Variants in OSBPL10 observed in about 807,000 individuals in gnomAD.
OSBPL10 encodes the protein oxysterol binding protein like 10.
In OSBPL10, 49 loss-of-function variants were observed where a neutral mutation model predicts 81.7. The ratio of observed to expected loss-of-function variants is 0.60; its 90% CI spans 0.48 to 0.76. The LOEUF (loss-of-function observed/expected upper bound fraction) is 0.76, where lower values mean the gene tolerates loss of function less well. OSBPL10 is among the 30% of genes least tolerant of loss of function. The probability of loss-of-function intolerance (pLI) is 0.00; values close to 1 mark genes in which losing one functional copy is unlikely to be tolerated. For missense variants in OSBPL10, 923 were observed against 987.8 expected, an observed-to-expected ratio of 0.93 and a Z score of 0.88; for synonymous variants, 419 against 383.6, an observed-to-expected ratio of 1.09 and a Z score of -1.08.
rs558840849 is a variant in OSBPL10 at position 31,995,293 on chromosome 3, C to G, written n.298+51198G>C. Among the ~76,000 whole-genome samples the G allele has an allele frequency of 2.9e-3, 448 of 152,290 alleles. 2 individuals carry two copies. Among genetic ancestry groups the G allele is most frequent in the African/African-American group, 0.01 (420 of 41,574 alleles). ...GGGCGTATCTCAGTCCTTATCTCAA[C>G]CACATAGGACAGACATCCCCAGAGC... On this transcript the variant is annotated intron_variant and non_coding_transcript_variant, in intron 2 of 3. Transcript: ENST00000479173.
intron 10 of OSBPL10, among the ~76,000 whole-genome samples, chr3:31,666,065 G>C (rs1559405303): frequency 6.6e-6 from 1 of 152,210 alleles, no homozygotes; most frequent in Non-Finnish European, 1.5e-5. Flanking sequence ...GGAGTCTCCA[G>C]GGTGGGGAGA....
chr3:31,740,658 T>A (rs919304540), intron 5 of OSBPL10, among the ~76,000 whole-genome samples: 2 of 151,884 alleles, frequency 1.3e-5, no homozygotes, highest in Admixed American at 1.3e-4. Context: ...GTCCCAGCTC[T>A]CAGGAGACTG....
chr3:31,901,105 C>A (rs1325407573), intron 1 of OSBPL10, among the ~76,000 whole-genome samples: 1 of 152,194 alleles, frequency 6.6e-6, no homozygotes, highest in Non-Finnish European at 1.5e-5. Flanking sequence ...ATTGAAGAGA[C>A]CATATGAATT....
At chr3:32,045,762 A>G (rs1156555566) in intron 2 of OSBPL10, 3 of 152,274 alleles carry the variant, frequency 2.0e-5, no homozygotes, top group East Asian at 3.9e-4. Context: ...ACTCAGCAGC[A>G]TTAAACAAAA....
chr3:31,946,393 T>C (rs1036415368), intron 1 of OSBPL10, among the ~76,000 whole-genome samples: 4 of 120,388 alleles, frequency 3.3e-5, no homozygotes, highest in Non-Finnish European at 5.0e-5. Context: ...TTTATTAAGT[T>C]GTTTTTTATC....
Position 31,700,832 on chromosome 3 carries a change from T to C in OSBPL10, c.1245+1527A>G, listed in dbSNP as rs60472300. 7.1e-3 allele frequency among the ~76,000 whole-genome samples: 1,079 copies of C among 152,222 alleles called. 10 individuals are homozygous for C. Among genetic ancestry groups the C allele is most frequent in the African/African-American group, 0.025 (1,023 of 41,526 alleles). ...ATGACTCCTGTAGCTGAAAAAACAA[T>C]AAGCATTATCCAGCTAGGGGACTGA... is the stretch of plus-strand genomic sequence containing the variant. On this transcript the variant is annotated intron_variant, in intron 7 of 11. Transcript: ENST00000396556.
chr3:31,662,326 A>G (rs574742557), intron 11 of OSBPL10: 1 of 1,296,858 alleles, frequency 7.7e-7, no homozygotes, highest in East Asian at 3.1e-5. Flanking sequence ...GGCAGGAGGA[A>G]ACCCCAAGAA....
intron 3 of OSBPL10, among the ~76,000 whole-genome samples, chr3:31,851,472 C>T (rs1575582905): frequency 6.6e-6 from 1 of 152,178 alleles, no homozygotes; most frequent in South Asian, 2.1e-4. Flanking sequence ...GAGGAGGCGC[C>T]GCTGTCGGTC....
At chr3:31,950,618 C>T (rs1321679835) in intron 1 of OSBPL10, among the ~76,000 whole-genome samples, 1 of 152,192 alleles carries the variant, frequency 6.6e-6, no homozygotes, top group Non-Finnish European at 1.5e-5. Flanking sequence ...TCTGACCTCT[C>T]CAAATCTCAG....
At chr3:32,008,129 G>T (rs1215882819) in intron 2 of OSBPL10, among the ~76,000 whole-genome samples, 5 of 151,620 alleles carry the variant, frequency 3.3e-5, no homozygotes, top group Non-Finnish European at 4.4e-5. Flanking sequence ...TTACGGGAAT[G>T]ATTTAATTTA....
At chr3:32,003,616 C>G (rs1205255097) in intron 2 of OSBPL10, among the ~76,000 whole-genome samples, 1 of 152,208 alleles carries the variant, frequency 6.6e-6, no homozygotes, top group Non-Finnish European at 1.5e-5. Flanking sequence ...TGGGAGGGAA[C>G]AGACTGCACA....
intron 6 of OSBPL10, among the ~76,000 whole-genome samples, chr3:31,724,301 C>T (rs907497546): frequency 6.6e-6 from 1 of 152,120 alleles, no homozygotes; most frequent in Non-Finnish European, 1.5e-5. Flanking sequence ...ATGGCTCCAG[C>T]TCACAGTTGG....
intron 8 of OSBPL10, among the ~76,000 whole-genome samples, chr3:31,680,465 A>G (rs1245494173): frequency 3.9e-5 from 6 of 152,136 alleles, no homozygotes; most frequent in African/African-American, 1.2e-4. Flanking sequence ...TCCCCCTTCA[A>G]TGGCTTGTGC....
intron 4 of OSBPL10, among the ~76,000 whole-genome samples, chr3:31,750,098 CT>C (rs1206180389): frequency 6.6e-6 from 1 of 152,112 alleles, no homozygotes; most frequent in Non-Finnish European, 1.5e-5. Flanking sequence ...AGGAGAATCG[CT>C]TTAACCCAGG....
intron 2 of OSBPL10, among the ~76,000 whole-genome samples, chr3:32,008,151 T>C (rs927832371): frequency 2.6e-5 from 4 of 151,484 alleles, no homozygotes; most frequent in African/African-American, 9.7e-5. Flanking sequence ...AATTATTGTA[T>C]ATCCCTACAA....
chr3:32,008,590 A>T (rs191342040), intron 2 of OSBPL10, among the ~76,000 whole-genome samples: 1 of 151,704 alleles, frequency 6.6e-6, no homozygotes, highest in African/African-American at 2.4e-5. Flanking sequence ...ACAAAAAAAA[A>T]CCCACAAAAG....
rs1436055523 is a variant in OSBPL10, at chr3:31,662,067, C to T, written c.*5G>A. 1 of 1,613,812 alleles carries T rather than the reference C, an allele frequency of 6.2e-7. No homozygotes were observed. The highest frequency in any genetic ancestry group is 1.7e-5 in the Admixed American group (1 of 59,954). The stretch of plus-strand genomic sequence containing the variant: ...TATACTGGAAAGCTCTGCACCTCCA[C>T]CCCATCAGTGTGCTTTCCAGAGGGG... On this transcript the variant is annotated 3_prime_UTR_variant, in exon 12 of 12. Transcript: ENST00000396556.
At chr3:31,728,375 T>G (rs545300824) in intron 6 of OSBPL10, among the ~76,000 whole-genome samples, 19 of 152,330 alleles carry the variant, frequency 1.2e-4, no homozygotes, top group African/African-American at 4.6e-4. Context: ...GTGGGACTGA[T>G]AGTCCTGATT....
At chr3:31,987,585 A>G (rs1398132472) in intron 2 of OSBPL10, among the ~76,000 whole-genome samples, 3 of 152,198 alleles carry the variant, frequency 2.0e-5, no homozygotes, top group Admixed American at 1.3e-4. Context: ...CATTGGCTGG[A>G]TGGACTAGGC....
Sources: gnomAD v4.1 joint callset for allele counts (sites outside exome capture counted in the v4.1 genomes callset) on GRCh38, gnomAD v4.1.1 for gene constraint, MANE v1.5 for transcripts, NCBI Gene and HGNC (gene_info 2026-07-23, HGNC 2026-07-21) for gene names.